The following CDH12 variants were observed in gnomAD, a reference collection of about 807,000 sequenced individuals.
The protein encoded by CDH12 is cadherin 12.
Under a neutral mutation model 74.1 loss-of-function variants are expected in CDH12, and 41 were observed. The ratio of observed to expected loss-of-function variants is 0.55; its 90% CI spans 0.43 to 0.72. The LOEUF (loss-of-function observed/expected upper bound fraction) is 0.72, where lower values mean the gene tolerates loss of function less well. CDH12 is among the 30% of genes least tolerant of loss of function. The pLI is 0.00. For synonymous variants in CDH12, 399 were observed against 355.0 expected, an observed-to-expected ratio of 1.12 and a Z score of -1.39; for missense variants, 945 against 977.2, an observed-to-expected ratio of 0.97 and a Z score of 0.44.
chr5:22,606,947 A>G (rs1075314), intron 1 of CDH12, among the ~76,000 whole-genome samples: 3 of 151,914 alleles, frequency 2.0e-5, no homozygotes, highest in African/African-American at 7.3e-5. Flanking sequence ...TCTCAGATGG[A>G]GATTAGGAAT....
chr5:22,682,829 T>G (rs1741567221), intron 1 of CDH12, among the ~76,000 whole-genome samples: 1 of 151,838 alleles, frequency 6.6e-6, no homozygotes, highest in Non-Finnish European at 1.5e-5. Context: ...AACAAAAAAC[T>G]ATTACTAACT....
intron 3 of CDH12, among the ~76,000 whole-genome samples, chr5:22,331,900 G>A (rs572080365): frequency 8.0e-6 from 1 of 125,340 alleles, no homozygotes; most frequent in Non-Finnish European, 1.7e-5. Flanking sequence ...TATTTTAACA[G>A]CAGAACTGAT....
At chr5:21,837,853 C>T (rs1749626554) in intron 8 of CDH12, among the ~76,000 whole-genome samples, 1 of 151,908 alleles carries the variant, frequency 6.6e-6, no homozygotes, top group Non-Finnish European at 1.5e-5. Flanking sequence ...CAAAAATATC[C>T]CCCACCCGTT....
At chr5:22,107,133 C>CTT (rs562097009) in intron 4 of CDH12, among the ~76,000 whole-genome samples, 2 of 138,910 alleles carry the variant, frequency 1.4e-5, no homozygotes, top group Non-Finnish European at 1.6e-5. Context: ...CACATTTCTA[C>CTT]TTTTTTTTTT....
chr5:21,765,956 G>A (rs1471836804), intron 11 of CDH12, among the ~76,000 whole-genome samples: 1 of 152,014 alleles, frequency 6.6e-6, no homozygotes, highest in Admixed American at 6.6e-5. Flanking sequence ...CTCTTGCTCA[G>A]AGGCAGAAAG....
chr5:22,405,158 C>T (rs995415849), intron 3 of CDH12, 99 bp downstream of exon 3: 6 of 198,466 alleles, frequency 3.0e-5, no homozygotes, highest in Non-Finnish European at 5.4e-5. Flanking sequence ...TGCAGTGAGC[C>T]GAGATGGTGC....
Position 22,849,334 on chromosome 5 carries a change from G to A in CDH12, c.-523+3724C>T, listed in dbSNP as rs977745584. On this transcript the variant is annotated intron_variant, in intron 1 of 14. Coordinates refer to ENST00000382254, the MANE Select transcript of CDH12 (RefSeq NM_004061.5). Reference sequence around the variant, plus strand: ...GAACTTTCCACATCATCATGTAGACGGTGCATCAGGACTCTCATCTTTGTA... The same window carrying A: ...GAACTTTCCACATCATCATGTAGACAGTGCATCAGGACTCTCATCTTTGTA... Among the ~76,000 whole-genome samples, 6 of 152,098 alleles carry A rather than the reference G, an allele frequency of 3.9e-5. No individual in the cohort carries two copies. In the East Asian group the frequency reaches 5.8e-4, roughly 15 times the overall value.
At chr5:21,787,463 T>C (rs986427649) in intron 10 of CDH12, among the ~76,000 whole-genome samples, 1 of 152,310 alleles carries the variant, frequency 6.6e-6, no homozygotes, top group Middle Eastern at 3.4e-3. Flanking sequence ...TGTACTTTTT[T>C]GGGCATAATT....
intron 3 of CDH12, among the ~76,000 whole-genome samples, chr5:22,336,675 G>A (rs1739598317): frequency 6.6e-6 from 1 of 152,210 alleles, no homozygotes; most frequent in African/African-American, 2.4e-5. Flanking sequence ...TTGGGGTTTG[G>A]GAACCTCTAC....
intron 6 of CDH12, among the ~76,000 whole-genome samples, chr5:21,942,347 T>TACACACACACAC (rs70957081): frequency 3.1e-5 from 4 of 129,676 alleles, no homozygotes; most frequent in African/African-American, 1.3e-4. Flanking sequence ...TATATATATA[T>TACACACACACAC]ACACACACAC....
chr5:22,766,842 A>G (rs925148102), intron 1 of CDH12, among the ~76,000 whole-genome samples: 1 of 152,136 alleles, frequency 6.6e-6, no homozygotes, highest in African/African-American at 2.4e-5. Flanking sequence ...GAGGATGTGC[A>G]TAGGTTATAT....
chr5:21,944,809 C>T (rs1451953652), intron 6 of CDH12, among the ~76,000 whole-genome samples: 1 of 151,900 alleles, frequency 6.6e-6, no homozygotes, highest in Non-Finnish European at 1.5e-5. Flanking sequence ...AACTCAGTAC[C>T]CTACTTTTGC....
rs141812106 is a variant in CDH12, at chr5:22,621,749, C to G, written c.-522-116385G>C. ...ACACTAAATTTGAAATTTTAAATGCCATTTATATATTTCTCAAATATCCTT... is the reference window on the plus strand; with the variant it reads ...ACACTAAATTTGAAATTTTAAATGCGATTTATATATTTCTCAAATATCCTT... On this transcript the variant is annotated intron_variant, in intron 1 of 14. Transcript: ENST00000382254. Among the ~76,000 whole-genome samples the G allele has an allele frequency of 3.6e-3, 547 of 151,902 alleles. 1 individual carries two copies. The highest frequency in any genetic ancestry group is 0.01 in the African/African-American group (422 of 41,438).
intron 2 of CDH12, among the ~76,000 whole-genome samples, chr5:22,416,296 C>G (rs932769488): frequency 6.6e-6 from 1 of 151,476 alleles, no homozygotes; most frequent in Non-Finnish European, 1.5e-5. Context: ...AGGATGGTCT[C>G]GATCTCCTGA....
chr5:22,311,044 T>C (rs925467269), intron 3 of CDH12, among the ~76,000 whole-genome samples: 1 of 152,188 alleles, frequency 6.6e-6, no homozygotes, highest in Non-Finnish European at 1.5e-5. Context: ...ACATACTATT[T>C]TATATTTACT....
chr5:22,809,830 C>T lies in CDH12; in HGVS notation c.-523+43228G>A, dbSNP rs114610071. Among the ~76,000 whole-genome samples, 588 of 151,996 alleles carry T rather than the reference C, an allele frequency of 3.9e-3. 5 individuals carry two copies. Among genetic ancestry groups the T allele is most frequent in the Non-Finnish European group, 6.4e-3 (432 of 67,918 alleles). ...AATAGAGTAAGAGGAGAAAATATTT[C>T]TGTGAAATTATCAATAAAATATCTA... On this transcript the variant is annotated intron_variant, in intron 1 of 14. Coordinates refer to ENST00000382254, the MANE Select transcript of CDH12 (RefSeq NM_004061.5).
chr5:21,815,792 A>G (rs1240724790), intron 9 of CDH12, among the ~76,000 whole-genome samples: 1 of 152,182 alleles, frequency 6.6e-6, no homozygotes, highest in Non-Finnish European at 1.5e-5. Flanking sequence ...TGAATTAGAT[A>G]TTTATATCTT....
chr5:21,763,597 A>G (rs537775810), intron 12 of CDH12, among the ~76,000 whole-genome samples: 151 of 152,320 alleles, frequency 9.9e-4, no homozygotes, highest in African/African-American at 3.3e-3. Flanking sequence ...GAGCAAACCA[A>G]AGCATACCAA....
At chr5:22,485,741 G>A (rs1331131638) in intron 2 of CDH12, among the ~76,000 whole-genome samples, 1 of 152,092 alleles carries the variant, frequency 6.6e-6, no homozygotes, top group Non-Finnish European at 1.5e-5. Flanking sequence ...GGAAGAAATT[G>A]TTTTATGATT....
Sources: allele counts gnomAD v4.1 joint callset (sites outside exome capture counted in the v4.1 genomes callset), GRCh38; gene constraint gnomAD v4.1.1; transcripts MANE v1.5; gene names NCBI Gene and HGNC (gene_info 2026-07-23, HGNC 2026-07-21).